The following TDG variants were observed in gnomAD, a reference collection of about 807,000 sequenced individuals.
TDG encodes G/T mismatch-specific thymine DNA glycosylase.
Under a neutral mutation model 46.1 loss-of-function variants are expected in TDG, and 23 were observed. The ratio of observed to expected loss-of-function variants is 0.50; its 90% CI spans 0.36 to 0.71. The LOEUF (loss-of-function observed/expected upper bound fraction) is 0.71. Ranked by LOEUF, TDG falls within the 30% of genes least tolerant of loss-of-function variation. TDG has a pLI of 0.00. For missense variants in TDG, 304 were observed against 486.7 expected (o/e 0.62, Z 3.53); for synonymous variants, 115 against 161.3 (o/e 0.71, Z 2.18).
chr12:103,974,932 G>A (rs1871456240), intron 1 of TDG, among the ~76,000 whole-genome samples: 1 of 139,902 alleles, frequency 7.1e-6, no homozygotes, highest in Non-Finnish European at 1.5e-5. Context: ...CCAAGATCGC[G>A]CCACCACACT....
intron 8 of TDG, among the ~76,000 whole-genome samples, chr12:103,985,182 C>T (rs991161091): frequency 5.4e-4 from 72 of 132,680 alleles, no homozygotes; most frequent in South Asian, 1.3e-3. Context: ...CACACACACA[C>T]ACACACACAC....
At position 103,983,233 on chromosome 12, in the gene TDG, T is replaced by A. The variant is rs762354130; in HGVS notation, c.697+15T>A. The A allele has an allele frequency of 2.3e-5, 36 of 1,579,032 alleles. No homozygotes were observed. The highest frequency in any genetic ancestry group is 1.4e-4 in the East Asian group (6 of 44,320). The stretch of plus-strand genomic sequence containing the variant: ...TAATGGAAAATGTAAGATTTACTTT[T>A]AAATTTTTTTTTTCTTTGCTAACAT... On this transcript the variant is annotated intron_variant, in intron 6 of 9. Transcript: ENST00000392872.
intron 4 of TDG, 69 bp from the exon 5 acceptor site, chr12:103,982,730 A>G (rs1455766296): frequency 6.5e-7 from 1 of 1,547,626 alleles, no homozygotes; most frequent in Non-Finnish European, 8.8e-7. Context: ...GTGCCACTAC[A>G]CTCTAGCCTG....
rs4135127 is a variant in TDG at position 103,985,361 on chromosome 12, C to G, written c.965-242C>G. Among the ~76,000 whole-genome samples, 111 of 152,212 alleles carry G rather than the reference C, an allele frequency of 7.3e-4. 4 individuals carry two copies. The South Asian group carries it at 0.023, about 31-fold the overall frequency. ...TCTGGCACTTCTGCAGATAATTCAC[C>G]TGCAGAGTGCCAGAGCAGAGGGATG... On this transcript the variant is annotated intron_variant, in intron 8 of 9. Transcript: ENST00000392872.
In TDG at chr12:103,985,550, T is replaced by C. The variant is rs1407083678; in HGVS notation, c.965-53T>C. The C allele has an allele frequency of 8.4e-6, 13 of 1,549,758 alleles. No individual in the cohort carries two copies. In the East Asian group the frequency reaches 3.0e-4, roughly 36 times the overall value. On this transcript the variant is annotated intron_variant, in intron 8 of 9. Coordinates refer to ENST00000392872, the MANE Select transcript of TDG (RefSeq NM_003211.6). ...GTTCATGATTTCTGAATAAAGCTAC[T>C]TTTAAAATTGTTGTACAAAATCAGA...
At chr12:103,985,047 A>ATG (rs1872054868) in intron 8 of TDG, 127 bp downstream of exon 8, 4 of 591,416 alleles carry the variant, frequency 6.8e-6, no homozygotes, top group Non-Finnish European at 7.3e-6. Context: ...ATATATGCAC[A>ATG]CGTGTATATA....
In TDG at chr12:103,982,886, T is replaced by A; in HGVS notation, c.566T>A (p.Phe189Tyr). 1 of 1,614,164 alleles carries A rather than the reference T, an allele frequency of 6.2e-7. No homozygotes were observed. The highest frequency in any genetic ancestry group is 8.5e-7 in the Non-Finnish European group (1 of 1,180,034). The change falls in exon 5 of 10, where the codon TTT becomes TAT. Residue 189 changes from phenylalanine (F) to tyrosine (Y), a missense_variant. Coordinates refer to ENST00000392872, the MANE Select transcript of TDG (RefSeq NM_003211.6). ...CTACCAGGGAAGTATGGTATTGGAT[T>A]TACCAACATGGTGGAAAGGACCACG... ...HTLPGKYGIG[F>Y]TNMVERTTPG...
chr12:103,976,083 A>G (rs899039577), intron 1 of TDG, among the ~76,000 whole-genome samples: 8 of 151,758 alleles, frequency 5.3e-5, no homozygotes, highest in Admixed American at 4.6e-4. Context: ...CCTAGCCCCA[A>G]CAAAACAAAA....
Position 103,988,747 on chromosome 12 carries a change from T to G in TDG, c.*1657T>G, listed in dbSNP as rs1213421887. 1.3e-5 allele frequency: 2 copies of G among 152,342 alleles called. No homozygotes were observed. Among genetic ancestry groups the G allele is most frequent in the Non-Finnish European group, 2.9e-5 (2 of 68,050 alleles). 9.4% of individuals were successfully genotyped at this position (152,342 alleles called of 1,614,324 possible). ...TTTTCCTAACATGACAGATGAGTAGTAAATGTTGATATATCCTATACATGA... is the reference window on the plus strand; with the variant it reads ...TTTTCCTAACATGACAGATGAGTAGGAAATGTTGATATATCCTATACATGA... On this transcript the variant is annotated 3_prime_UTR_variant, in exon 10 of 10. Coordinates refer to ENST00000392872, the MANE Select transcript of TDG (RefSeq NM_003211.6).
At chr12:103,973,823 C>T (rs569243598) in intron 1 of TDG, among the ~76,000 whole-genome samples, 1 of 152,278 alleles carries the variant, frequency 6.6e-6, no homozygotes, top group African/African-American at 2.4e-5. Flanking sequence ...TATATAAACT[C>T]TTTCCTGTTC....
intron 1 of TDG, among the ~76,000 whole-genome samples, chr12:103,973,352 C>T (rs1001021085): frequency 7.9e-5 from 12 of 151,980 alleles, no homozygotes; most frequent in Admixed American, 2.0e-4. Flanking sequence ...CCCAAAGCGC[C>T]GAGATTACAG....
chr12:103,976,746 G>A (rs895706248), intron 1 of TDG, among the ~76,000 whole-genome samples, 172 bp from the exon 2 acceptor site: 1 of 152,158 alleles, frequency 6.6e-6, no homozygotes, highest in Admixed American at 6.5e-5. Flanking sequence ...GTAAAGGTTG[G>A]TGAACATGTA....
Position 103,984,086 on chromosome 12 carries a change from A to G in TDG, c.793-663A>G, listed in dbSNP as rs1048725979. 8.5e-5 allele frequency among the ~76,000 whole-genome samples: 13 copies of G among 152,234 alleles called. 1 individual carries two copies. The highest frequency in any genetic ancestry group is 4.6e-4 in the Admixed American group (7 of 15,278). On this transcript the variant is annotated intron_variant, in intron 7 of 9. Transcript: ENST00000392872. ...GCCAGGTTTTTGTGGAAACCTAAAAATGTTTCTGCCACCTAAATATATTTA... is the reference window on the plus strand; with the variant it reads ...GCCAGGTTTTTGTGGAAACCTAAAAGTGTTTCTGCCACCTAAATATATTTA...
chr12:103,985,666 G>C lies in TDG; in HGVS notation c.1028G>C (p.Gly343Ala), dbSNP rs757452540. ...KYDPGYEAAY[G>A]GAYGENPCSS... Reference sequence around the variant, plus strand: ...GATCCAGGTTATGAGGCAGCATATGGTGGTGCTTACGGAGAAAATCCATGC... The same window carrying C: ...GATCCAGGTTATGAGGCAGCATATGCTGGTGCTTACGGAGAAAATCCATGC... Residue 343 changes from glycine to alanine, a missense_variant, in exon 9 of 10, where the codon GGT (glycine) becomes GCT (alanine). Coordinates refer to ENST00000392872, the MANE Select transcript of TDG (RefSeq NM_003211.6). The C allele has an allele frequency of 6.2e-7, 1 of 1,614,122 alleles. No individual in the cohort carries two copies. Among genetic ancestry groups the C allele is most frequent in the Non-Finnish European group, 8.5e-7 (1 of 1,179,962 alleles).
In TDG at chr12:103,965,968, C is replaced by G. The variant is rs969552809; in HGVS notation, c.-70C>G. 12 of 1,556,540 alleles carry G rather than the reference C, an allele frequency of 7.7e-6. No homozygotes were observed. The highest frequency in any genetic ancestry group is 1.9e-5 in the Admixed American group (1 of 52,704). Reference sequence around the variant, plus strand: ...GGTTGTCTTACCGCAGTGAGTACCACGCGGTACTACAGAGACCGGCTGCCC... The same window carrying G: ...GGTTGTCTTACCGCAGTGAGTACCAGGCGGTACTACAGAGACCGGCTGCCC... On this transcript the variant is annotated 5_prime_UTR_variant, in exon 1 of 10. Coordinates refer to ENST00000392872, the MANE Select transcript of TDG (RefSeq NM_003211.6).
At chr12:103,977,572 C>T (rs1264208907) in intron 2 of TDG, among the ~76,000 whole-genome samples, 1 of 152,176 alleles carries the variant, frequency 6.6e-6, no homozygotes, top group Non-Finnish European at 1.5e-5. Context: ...TGGGATATAA[C>T]AAGGAAATGG....
intron 1 of TDG, among the ~76,000 whole-genome samples, chr12:103,975,836 A>G (rs1871510400): frequency 6.6e-6 from 1 of 150,656 alleles, no homozygotes; most frequent in African/African-American, 2.4e-5. Flanking sequence ...TAATTTTTAT[A>G]TTTTTAGTAG....
intron 7 of TDG, 60 bp from the exon 8 acceptor site, chr12:103,984,689 C>A: frequency 7.7e-7 from 1 of 1,297,084 alleles, no homozygotes; most frequent in Non-Finnish European, 1.0e-6. Context: ...ATTCTAATCT[C>A]AATGAGTGAA....
chr12:103,980,226 T>C, intron 3 of TDG, 154 bp downstream of exon 3: 1 of 1,068,840 alleles, frequency 9.4e-7, no homozygotes, highest in Middle Eastern at 2.7e-4. Context: ...TTGTGTTATA[T>C]GAGAGTGTTT....
Sources: gnomAD v4.1 joint callset for allele counts (sites outside exome capture counted in the v4.1 genomes callset) on GRCh38, gnomAD v4.1.1 for gene constraint, MANE v1.5 for transcripts, NCBI Gene and HGNC (gene_info 2026-07-23, HGNC 2026-07-21) for gene names.